Variants in ERBB4 observed in about 807,000 individuals in gnomAD.
ERBB4 encodes receptor tyrosine-protein kinase erbB-4.
ERBB4 carries 42 observed loss-of-function variants against 158.0 expected under a neutral mutation model. That is an observed-to-expected ratio of 0.27 (90% confidence interval 0.21 to 0.34). The LOEUF (loss-of-function observed/expected upper bound fraction) is 0.34, where lower values mean the gene tolerates loss of function less well. Ranked by LOEUF, ERBB4 falls within the 10% of genes least tolerant of loss-of-function variation. The pLI is 1.00. For missense variants in ERBB4, 1,333 were observed against 1,624.1 expected (o/e 0.82, Z 3.08); for synonymous variants, 583 against 558.7 (o/e 1.04, Z -0.61).
intron 20 of ERBB4, among the ~76,000 whole-genome samples, chr2:211,480,773 T>A (rs2065063095): frequency 6.6e-6 from 1 of 152,144 alleles, no homozygotes; most frequent in African/African-American, 2.4e-5. Context: ...AGTGAAATGT[T>A]TTGTTTATCT....
intron 12 of ERBB4, among the ~76,000 whole-genome samples, chr2:211,687,754 A>T (rs1284788396): frequency 6.6e-6 from 1 of 152,208 alleles, no homozygotes. Context: ...TGCAGCAAAA[A>T]GAAAACTCAG....
intron 16 of ERBB4, among the ~76,000 whole-genome samples, chr2:211,644,725 T>A (rs149059516): frequency 3.7e-3 from 567 of 152,108 alleles, no homozygotes; most frequent in Non-Finnish European, 6.0e-3. Flanking sequence ...CAGCAGAAGA[T>A]CTTTTAAAAT....
intron 1 of ERBB4, among the ~76,000 whole-genome samples, chr2:212,223,599 A>C (rs1402771): frequency 0.16 from 24,401 of 151,022 alleles, 2,370 homozygotes; most frequent in Non-Finnish European, 0.21. Flanking sequence ...ATGATTTAGC[A>C]TTTAATTTGG....
chr2:212,279,857 A>G (rs990615833), intron 1 of ERBB4, among the ~76,000 whole-genome samples: 3 of 151,662 alleles, frequency 2.0e-5, no homozygotes, highest in African/African-American at 7.2e-5. Context: ...TTTAATCTAG[A>G]AAAGGATACA....
rs1022280706 is a variant in ERBB4, at chr2:211,860,474, C to A, written c.422-72315G>T. ...CTTTTATGTGATAACAGAGTTGAAG[C>A]AGGATGAAGTCACCTCAATTATCAT... On this transcript the variant is annotated intron_variant, in intron 3 of 27. Transcript: ENST00000342788. 5.9e-5 allele frequency among the ~76,000 whole-genome samples: 9 copies of A among 152,182 alleles called. No homozygotes were observed. The South Asian group carries it at 1.9e-3, about 32-fold the overall frequency.
chr2:211,740,548 T>G lies in ERBB4; in HGVS notation c.622+10091A>C, dbSNP rs147154319. On this transcript the variant is annotated intron_variant, in intron 5 of 27. Coordinates refer to ENST00000342788, the MANE Select transcript of ERBB4 (RefSeq NM_005235.3). The stretch of plus-strand genomic sequence containing the variant: ...ATCCAGTTACCCCTTCTTATCCTCT[T>G]TCATCTCTGTACTGTACCCCTTCCT... 3.4e-3 allele frequency among the ~76,000 whole-genome samples: 510 copies of G among 151,870 alleles called. 4 individuals carry two copies. The highest frequency in any genetic ancestry group is 0.014 in the Middle Eastern group (4 of 290).
chr2:211,880,947 C>T (rs2078644770), intron 3 of ERBB4, among the ~76,000 whole-genome samples: 1 of 152,136 alleles, frequency 6.6e-6, no homozygotes, highest in Non-Finnish European at 1.5e-5. Flanking sequence ...ATGCCACAGA[C>T]ATCTCAATTA....
chr2:212,097,812 T>C (rs550189844), intron 2 of ERBB4, among the ~76,000 whole-genome samples: 1 of 152,110 alleles, frequency 6.6e-6, no homozygotes, highest in Non-Finnish European at 1.5e-5. Context: ...ATACAGAATA[T>C]CATTAGTAAC....
intron 1 of ERBB4, among the ~76,000 whole-genome samples, chr2:212,534,839 A>G (rs1692954709): frequency 6.6e-6 from 1 of 152,218 alleles, no homozygotes; most frequent in East Asian, 1.9e-4. Flanking sequence ...ACGATTTTCC[A>G]TCAAATAAAT....
At chr2:211,423,443 C>G (rs1484289448) in intron 23 of ERBB4, among the ~76,000 whole-genome samples, 3 of 151,856 alleles carry the variant, frequency 2.0e-5, no homozygotes, top group Non-Finnish European at 4.4e-5. Flanking sequence ...AGAGAGATTG[C>G]TGCATGTTAA....
intron 16 of ERBB4, among the ~76,000 whole-genome samples, chr2:211,637,278 T>C (rs545707338): frequency 7.9e-5 from 12 of 152,072 alleles, no homozygotes; most frequent in African/African-American, 2.9e-4. Context: ...TGACTCTCTA[T>C]TAAAATCAAA....
chr2:212,023,983 G>T (rs1339139243), intron 2 of ERBB4, among the ~76,000 whole-genome samples: 2 of 151,344 alleles, frequency 1.3e-5, no homozygotes, highest in Non-Finnish European at 3.0e-5. Context: ...AAATAAAGGA[G>T]CTCACTCCCT....
intron 7 of ERBB4, among the ~76,000 whole-genome samples, chr2:211,714,733 T>C (rs2073837279): frequency 1.3e-5 from 2 of 152,196 alleles, no homozygotes; most frequent in African/African-American, 4.8e-5. Flanking sequence ...TAGCCAGAAT[T>C]GCCTATCATG....
intron 1 of ERBB4, among the ~76,000 whole-genome samples, chr2:212,440,264 G>C (rs1252612392): frequency 1.3e-5 from 2 of 152,170 alleles, no homozygotes; most frequent in African/African-American, 4.8e-5. Flanking sequence ...TCTTAATCTG[G>C]TGGGAACAAT....
chr2:212,414,781 A>C (rs2091604821), intron 1 of ERBB4, among the ~76,000 whole-genome samples: 1 of 152,198 alleles, frequency 6.6e-6, no homozygotes, highest in South Asian at 2.1e-4. Flanking sequence ...GAACCCACAG[A>C]AAGAAGCTGG....
intron 3 of ERBB4, among the ~76,000 whole-genome samples, chr2:211,939,390 A>ATTTT (rs550998240): frequency 8.2e-5 from 12 of 146,802 alleles, no homozygotes; most frequent in African/African-American, 2.2e-4. Context: ...TCTGAAACAG[A>ATTTT]TTTTTTTTTT....
At chr2:212,521,274 T>C (rs1692145566) in intron 1 of ERBB4, among the ~76,000 whole-genome samples, 2 of 152,002 alleles carry the variant, frequency 1.3e-5, no homozygotes, top group African/African-American at 4.8e-5. Context: ...ACTGTCTCTC[T>C]AAGCTCTTTT....
intron 19 of ERBB4, among the ~76,000 whole-genome samples, chr2:211,607,933 G>A (rs992818255): frequency 2.1e-5 from 3 of 140,942 alleles, no homozygotes; most frequent in Non-Finnish European, 3.0e-5. Context: ...GTAGTGGTGC[G>A]ATCTCTGCTC....
At chr2:212,526,456 A>C (rs1022846097) in intron 1 of ERBB4, among the ~76,000 whole-genome samples, 1 of 152,102 alleles carries the variant, frequency 6.6e-6, no homozygotes, top group Admixed American at 6.6e-5. Flanking sequence ...GGGCCACTAA[A>C]GAATTATATC....
Sources: gnomAD v4.1 joint callset for allele counts (sites outside exome capture counted in the v4.1 genomes callset) on GRCh38, gnomAD v4.1.1 for gene constraint, MANE v1.5 for transcripts, NCBI Gene and HGNC (gene_info 2026-07-23, HGNC 2026-07-21) for gene names.